Variants in FBXL17 observed in about 807,000 individuals in gnomAD.
FBXL17 encodes the protein F-box and leucine rich repeat protein 17, also known as F-box/LRR-repeat protein 17.
A neutral mutation model predicts 66.2 loss-of-function variants in FBXL17; 22 were observed. That is an observed-to-expected ratio of 0.33 (90% CI 0.24 to 0.47). FBXL17 has a LOEUF of 0.47. FBXL17 is among the 20% of genes least tolerant of loss of function. The probability of loss-of-function intolerance (pLI) is 1.00; values close to 1 mark genes in which losing one functional copy is unlikely to be tolerated. For missense variants in FBXL17, 878 were observed against 948.2 expected (o/e 0.93, Z 0.97); for synonymous variants, 474 against 400.5 (o/e 1.18, Z -2.19).
intron 6 of FBXL17, among the ~76,000 whole-genome samples, chr5:108,155,517 A>T (rs1751961597): frequency 6.6e-6 from 1 of 152,156 alleles, no homozygotes; most frequent in Non-Finnish European, 1.5e-5. Context: ...TCCGTCTCAA[A>T]AAAAAAGAAA....
At chr5:108,050,227 ATCAAG>A (rs1196410996) in intron 6 of FBXL17, among the ~76,000 whole-genome samples, 2 of 152,130 alleles carry the variant, frequency 1.3e-5, no homozygotes, top group African/African-American at 4.8e-5. Flanking sequence ...TTAGCTCTGG[ATCAAG>A]TGTACCTAAC....
At chr5:107,957,775 C>T (rs1449790889) in intron 7 of FBXL17, among the ~76,000 whole-genome samples, 1 of 152,076 alleles carries the variant, frequency 6.6e-6, no homozygotes, top group Non-Finnish European at 1.5e-5. Flanking sequence ...ATAATTTGTA[C>T]ATATTTAAAA....
chr5:107,930,238 G>C (rs184829252), intron 7 of FBXL17, among the ~76,000 whole-genome samples: 21 of 152,166 alleles, frequency 1.4e-4, no homozygotes, highest in Middle Eastern at 3.4e-3. Context: ...CCAACTTCTT[G>C]TCCATTCCCC....
chr5:108,014,023 C>A (rs939128742), intron 7 of FBXL17, among the ~76,000 whole-genome samples: 28 of 151,950 alleles, frequency 1.8e-4, no homozygotes, highest in Admixed American at 1.6e-3. Context: ...AATAATAATT[C>A]TATATATATA....
chr5:108,074,479 G>C (rs1464520616), intron 6 of FBXL17, among the ~76,000 whole-genome samples: 1 of 151,718 alleles, frequency 6.6e-6, no homozygotes, highest in Non-Finnish European at 1.5e-5. Context: ...AAAATTACGT[G>C]TTTGGTCCCT....
intron 5 of FBXL17, among the ~76,000 whole-genome samples, chr5:108,211,813 G>A (rs556393728): frequency 1.4e-4 from 22 of 152,204 alleles, no homozygotes; most frequent in African/African-American, 5.3e-4. Flanking sequence ...TCTTGGGGTT[G>A]CCCTTCTCGA....
intron 6 of FBXL17, among the ~76,000 whole-genome samples, chr5:108,093,843 G>A (rs1458138640): frequency 6.6e-6 from 1 of 152,128 alleles, no homozygotes; most frequent in Non-Finnish European, 1.5e-5. Flanking sequence ...GTAAATGTAT[G>A]ATAATGTACA....
intron 5 of FBXL17, among the ~76,000 whole-genome samples, chr5:108,223,145 G>A (rs150826870): frequency 1.3e-5 from 2 of 152,122 alleles, no homozygotes; most frequent in African/African-American, 2.4e-5. Context: ...GGCGCCCAGG[G>A]TCCTATTCAC....
chr5:108,185,263 G>A (rs1469714739), intron 6 of FBXL17, among the ~76,000 whole-genome samples: 2 of 152,126 alleles, frequency 1.3e-5, no homozygotes, highest in African/African-American at 4.8e-5. Context: ...ATGTCAAATT[G>A]TAATCCCAAT....
At chr5:108,274,772 G>A (rs541942059) in intron 4 of FBXL17, among the ~76,000 whole-genome samples, 2 of 152,116 alleles carry the variant, frequency 1.3e-5, no homozygotes, top group East Asian at 1.9e-4. Context: ...CACAATCCAC[G>A]TTCTTCTGCC....
chr5:108,364,740 G>C lies in FBXL17; in HGVS notation c.1372C>G (p.Gln458Glu). Residue 458 changes from glutamine (Q) to glutamate (E), a missense_variant and splice_region_variant, in exon 3 of 9, where the codon CAG becomes GAG. By Grantham distance (29) the Gln-to-Glu change is conservative. Coordinates refer to ENST00000542267, the MANE Select transcript of FBXL17 (RefSeq NM_001163315.3). Reference sequence around the variant, plus strand: ...ACTTTATAAATGCTAAAATTTACCTGCTTGAGTCCTTCATCAGTGAGTTTG... The same window carrying C: ...ACTTTATAAATGCTAAAATTTACCTCCTTGAGTCCTTCATCAGTGAGTTTG... Reference protein sequence around the residue: ...QDKLTDEGLKQLGSKCRELKD... With the variant: ...QDKLTDEGLKELGSKCRELKD... 1 of 1,603,712 alleles carries C rather than the reference G, an allele frequency of 6.2e-7. No homozygotes were observed. Among genetic ancestry groups the C allele is most frequent in the Non-Finnish European group, 8.5e-7 (1 of 1,173,262 alleles).
At chr5:108,326,784 G>C (rs1277077636) in intron 4 of FBXL17, among the ~76,000 whole-genome samples, 1 of 152,116 alleles carries the variant, frequency 6.6e-6, no homozygotes, top group African/African-American at 2.4e-5. Flanking sequence ...CACCCACTCA[G>C]AATGGCTAAA....
At chr5:108,174,280 A>G (rs1018875940) in intron 6 of FBXL17, among the ~76,000 whole-genome samples, 1 of 152,176 alleles carries the variant, frequency 6.6e-6, no homozygotes, top group African/African-American at 2.4e-5. Flanking sequence ...AAAGTACTAT[A>G]TGGATGAGAG....
At chr5:108,313,559 T>G (rs532642897) in intron 4 of FBXL17, among the ~76,000 whole-genome samples, 358 of 152,132 alleles carry the variant, frequency 2.4e-3, no homozygotes, top group Non-Finnish European at 3.5e-3. Flanking sequence ...TCATTAACAT[T>G]TCAGTAAGAG....
intron 6 of FBXL17, among the ~76,000 whole-genome samples, chr5:108,114,098 C>T (rs1014641867): frequency 6.6e-6 from 1 of 152,104 alleles, no homozygotes; most frequent in Non-Finnish European, 1.5e-5. Flanking sequence ...CACAGCAGTG[C>T]TGTATATGAA....
At chr5:108,354,214 G>A (rs1328617963) in intron 3 of FBXL17, among the ~76,000 whole-genome samples, 1 of 152,046 alleles carries the variant, frequency 6.6e-6, no homozygotes, top group African/African-American at 2.4e-5. Context: ...GACAATTTCA[G>A]GAGACTGAAA....
At chr5:108,241,239 A>G (rs548507327) in intron 4 of FBXL17, among the ~76,000 whole-genome samples, 1 of 152,362 alleles carries the variant, frequency 6.6e-6, no homozygotes, top group South Asian at 2.1e-4. Flanking sequence ...AGGAAACTCA[A>G]TGAAATTCAA....
intron 7 of FBXL17, among the ~76,000 whole-genome samples, chr5:107,928,474 C>A (rs545440208): frequency 1.3e-5 from 2 of 151,774 alleles, no homozygotes; most frequent in African/African-American, 4.8e-5. Context: ...TCCCTAGTTA[C>A]TCTTTTTGAA....
At chr5:107,964,698 T>C (rs956336031) in intron 7 of FBXL17, among the ~76,000 whole-genome samples, 3 of 152,080 alleles carry the variant, frequency 2.0e-5, no homozygotes, top group Admixed American at 1.3e-4. Context: ...GACCTCAATT[T>C]ACATAAAAAG....
Sources: allele counts gnomAD v4.1 joint callset (sites outside exome capture counted in the v4.1 genomes callset), GRCh38; gene constraint gnomAD v4.1.1; transcripts MANE v1.5; gene names NCBI Gene and HGNC (gene_info 2026-07-23, HGNC 2026-07-21).